Variants in CSMD1 observed in about 807,000 individuals in gnomAD.
CSMD1 encodes CUB and sushi domain-containing protein 1.
CSMD1 carries 213 observed loss-of-function variants against 417.5 expected under a neutral mutation model. The ratio of observed to expected loss-of-function variants is 0.51; its 90% CI spans 0.46 to 0.57. CSMD1 has a LOEUF of 0.57. Among genes scored for constraint, CSMD1 ranks in the 20% least tolerant of loss-of-function variants. The probability of loss-of-function intolerance (pLI) is 0.00; values close to 1 mark genes in which losing one functional copy is unlikely to be tolerated. For missense variants in CSMD1, 6,923 were observed against 4,529.7 expected (o/e 1.53, Z -15.17); for synonymous variants, 2,862 against 1,736.8 (o/e 1.65, Z -16.11).
intron 7 of CSMD1, among the ~76,000 whole-genome samples, chr8:3,636,241 TTTTC>T (rs1287933005): frequency 7.2e-5 from 11 of 152,186 alleles, no homozygotes; most frequent in African/African-American, 2.7e-4. Flanking sequence ...GGAACTGTCA[TTTTC>T]TAGGACAACG....
At chr8:3,324,753 C>A (rs200905117) in intron 23 of CSMD1, among the ~76,000 whole-genome samples, 7,058 of 152,194 alleles carry the variant, frequency 0.046, 358 homozygotes, top group East Asian at 0.21. Flanking sequence ...TCCTTCACCC[C>A]ACCTTCCATC....
At chr8:4,189,940 A>T (rs1798916085) in intron 3 of CSMD1, among the ~76,000 whole-genome samples, 1 of 151,922 alleles carries the variant, frequency 6.6e-6, no homozygotes, top group Non-Finnish European at 1.5e-5. Flanking sequence ...TTTTCTAAAA[A>T]GCAGAGAGCA....
chr8:4,325,798 A>G (rs768170360), intron 3 of CSMD1, among the ~76,000 whole-genome samples: 3 of 152,176 alleles, frequency 2.0e-5, no homozygotes, highest in Non-Finnish European at 4.4e-5. Context: ...TGGCCCATTT[A>G]AAATGCTGAT....
chr8:4,253,065 C>CAA (rs1803193765), intron 3 of CSMD1, among the ~76,000 whole-genome samples: 1 of 152,208 alleles, frequency 6.6e-6, no homozygotes, highest in Non-Finnish European at 1.5e-5. Context: ...GATGAGACTA[C>CAA]AAGCTCTTAG....
At chr8:3,666,699 T>C (rs554944505) in intron 7 of CSMD1, among the ~76,000 whole-genome samples, 2 of 152,178 alleles carry the variant, frequency 1.3e-5, no homozygotes, top group African/African-American at 2.4e-5. Context: ...TCATGCAATC[T>C]GATGTCTTTA....
Position 3,900,763 on chromosome 8 carries a change from CAGCTGGGTGACACTGT to C in CSMD1, c.818+97124_818+97139del, listed in dbSNP as rs368625695. On this transcript the variant is annotated intron_variant, in intron 5 of 69. Transcript: ENST00000635120. The stretch of plus-strand genomic sequence containing the variant: ...CTGCCACCGCAACTGGGTGACAGTA[CAGCTGGGTGACACTGT>C]AGCTGGGTGACACAGCAGCTGGTTG... Among the ~76,000 whole-genome samples, 274 of 151,836 alleles carry C rather than the reference CAGCTGGGTGACACTGT, an allele frequency of 1.8e-3. 1 individual carries two copies. Among genetic ancestry groups the C allele is most frequent in the African/African-American group, 6.2e-3 (257 of 41,388 alleles).
At chr8:4,629,567 T>G (rs1015540813) in intron 2 of CSMD1, among the ~76,000 whole-genome samples, 4 of 152,242 alleles carry the variant, frequency 2.6e-5, no homozygotes, top group Admixed American at 6.5e-5. Context: ...ACTTGTCGTT[T>G]GCCTTTTGAA....
intron 1 of CSMD1, among the ~76,000 whole-genome samples, chr8:4,914,616 A>G (rs550916103): frequency 6.3e-4 from 96 of 151,982 alleles, no homozygotes; most frequent in Non-Finnish European, 1.1e-3. Context: ...GAAGATAGAA[A>G]TATAACGGTC....
At chr8:3,369,154 G>C (rs1340212919) in intron 19 of CSMD1, 100 bp downstream of exon 19, 2 of 604,376 alleles carry the variant, frequency 3.3e-6, no homozygotes, top group Non-Finnish European at 3.0e-6. Context: ...GAGAAAAGTA[G>C]TTATCTCACT....
chr8:4,234,511 A>T (rs1475336858), intron 3 of CSMD1, among the ~76,000 whole-genome samples: 2 of 152,128 alleles, frequency 1.3e-5, no homozygotes, highest in Non-Finnish European at 2.9e-5. Flanking sequence ...AGCAGTCTAC[A>T]CTAGATATCA....
At chr8:4,682,179 A>T (rs62484573) in intron 1 of CSMD1, among the ~76,000 whole-genome samples, 13,369 of 151,980 alleles carry the variant, frequency 0.088, 630 homozygotes, top group Middle Eastern at 0.12. Context: ...GGCACACACC[A>T]CCATGCCTGG....
chr8:4,329,396 C>G (rs1799740507), intron 3 of CSMD1, among the ~76,000 whole-genome samples: 1 of 152,118 alleles, frequency 6.6e-6, no homozygotes, highest in Admixed American at 6.6e-5. Flanking sequence ...ACAAGTGATT[C>G]TCCCACCGCA....
chr8:3,637,504 A>G (rs1797108745), intron 7 of CSMD1, among the ~76,000 whole-genome samples: 1 of 152,186 alleles, frequency 6.6e-6, no homozygotes, highest in Non-Finnish European at 1.5e-5. Flanking sequence ...GACTATAATA[A>G]AATATACAAA....
chr8:4,764,199 T>C (rs1486891844), intron 1 of CSMD1, among the ~76,000 whole-genome samples: 4 of 152,166 alleles, frequency 2.6e-5, no homozygotes, highest in Non-Finnish European at 5.9e-5. Context: ...TGACCATGTG[T>C]TTTTCAGAGG....
intron 1 of CSMD1, among the ~76,000 whole-genome samples, chr8:4,896,948 G>A (rs971837092): frequency 6.6e-5 from 10 of 152,082 alleles, no homozygotes; most frequent in Non-Finnish European, 1.2e-4. Context: ...GCAAACCCAA[G>A]GAAGGGCTCT....
At chr8:3,863,656 AAC>A (rs527548738) in intron 5 of CSMD1, among the ~76,000 whole-genome samples, 12 of 151,800 alleles carry the variant, frequency 7.9e-5, no homozygotes, top group Non-Finnish European at 1.3e-4. Context: ...CAAATATTCT[AAC>A]ACACACACAC....
chr8:3,365,148 G>A (rs917097230), intron 20 of CSMD1, among the ~76,000 whole-genome samples: 2 of 152,164 alleles, frequency 1.3e-5, no homozygotes, highest in African/African-American at 4.8e-5. Flanking sequence ...GAGGGATTTA[G>A]GAATTAGTGT....
chr8:3,460,456 T>C (rs1191034719), intron 12 of CSMD1, among the ~76,000 whole-genome samples: 1 of 152,130 alleles, frequency 6.6e-6, no homozygotes, highest in African/African-American at 2.4e-5. Context: ...AGGAACACTC[T>C]CTATGTTCAT....
intron 41 of CSMD1, among the ~76,000 whole-genome samples, chr8:3,137,348 G>A (rs933462111): frequency 1.9e-4 from 29 of 152,202 alleles, no homozygotes; most frequent in African/African-American, 6.0e-4. Flanking sequence ...AGGTGCTTCC[G>A]AAAATGTATA....
Sources: allele counts gnomAD v4.1 joint callset (sites outside exome capture counted in the v4.1 genomes callset), GRCh38; gene constraint gnomAD v4.1.1; transcripts MANE v1.5; gene names NCBI Gene and HGNC (gene_info 2026-07-23, HGNC 2026-07-21).